The following TAFA1 variants were observed in gnomAD, a reference collection of about 807,000 sequenced individuals.
TAFA1 encodes the protein chemokine-like protein TAFA-1.
A neutral mutation model predicts 18.5 loss-of-function variants in TAFA1; 4 were observed. The ratio of observed to expected loss-of-function variants is 0.22; its 90% CI spans 0.11 to 0.49. TAFA1 has a LOEUF of 0.49. Among genes scored for constraint, TAFA1 ranks in the 20% least tolerant of loss-of-function variants. The probability of loss-of-function intolerance (pLI) is 0.98; values close to 1 mark genes in which losing one functional copy is unlikely to be tolerated. For synonymous variants in TAFA1, 56 were observed against 55.2 expected, an observed-to-expected ratio of 1.01 and a Z score of -0.06; for missense variants, 147 against 169.0, an observed-to-expected ratio of 0.87 and a Z score of 0.72.
intron 2 of TAFA1, among the ~76,000 whole-genome samples, chr3:68,181,223 G>C (rs554372939): frequency 6.6e-6 from 1 of 152,106 alleles, no homozygotes; most frequent in South Asian, 2.1e-4. Context: ...AGGTGGGGCT[G>C]GCTAGTGGGG....
rs574995115 is a variant in TAFA1, at chr3:68,418,483, C to T, written c.259+1063C>T. On this transcript the variant is annotated intron_variant, in intron 3 of 4. Coordinates refer to ENST00000478136, the MANE Select transcript of TAFA1 (RefSeq NM_213609.4). ...GAATATCATCAGTTAAGGCAAGGAC[C>T]GGCCATTTACACTTCTTTTGTGGTG... 5.3e-5 allele frequency among the ~76,000 whole-genome samples: 5 copies of T among 94,486 alleles called. No individual in the cohort carries two copies. The South Asian group carries it at 7.8e-4, about 15-fold the overall frequency. 62.0% of individuals were successfully genotyped at this position (94,486 alleles called of 152,430 possible).
At chr3:68,058,198 T>A (rs995901312) in intron 2 of TAFA1, among the ~76,000 whole-genome samples, 2 of 152,320 alleles carry the variant, frequency 1.3e-5, no homozygotes, top group Admixed American at 6.5e-5. Context: ...ACTCGCTATG[T>A]GGCCTTGAGA....
At chr3:68,422,537 A>G (rs1165514146) in intron 3 of TAFA1, among the ~76,000 whole-genome samples, 1 of 152,132 alleles carries the variant, frequency 6.6e-6, no homozygotes, top group Non-Finnish European at 1.5e-5. Context: ...TTTTAAAAGA[A>G]GCATATATTG....
intron 3 of TAFA1, among the ~76,000 whole-genome samples, chr3:68,439,959 C>T (rs1245051534): frequency 3.3e-5 from 5 of 152,092 alleles, no homozygotes; most frequent in African/African-American, 9.7e-5. Flanking sequence ...ACTGGAACTG[C>T]ACCAATCCCC....
intron 3 of TAFA1, among the ~76,000 whole-genome samples, chr3:68,458,758 A>G (rs2071713955): frequency 6.6e-6 from 1 of 152,096 alleles, no homozygotes; most frequent in Admixed American, 6.6e-5. Flanking sequence ...TCATGCTTGG[A>G]GTAGAGACAT....
At chr3:68,138,310 C>A (rs1271985025) in intron 2 of TAFA1, among the ~76,000 whole-genome samples, 2 of 152,088 alleles carry the variant, frequency 1.3e-5, no homozygotes, top group Non-Finnish European at 2.9e-5. Flanking sequence ...ATTTTAGGTG[C>A]CTCACCACGA....
intron 3 of TAFA1, among the ~76,000 whole-genome samples, chr3:68,512,201 T>G (rs2106731712): frequency 6.6e-6 from 1 of 152,258 alleles, no homozygotes; most frequent in South Asian, 2.1e-4. Context: ...CTTATCGATT[T>G]ACTTACTAAG....
At chr3:68,285,846 G>C (rs1372628062) in intron 2 of TAFA1, among the ~76,000 whole-genome samples, 1 of 152,166 alleles carries the variant, frequency 6.6e-6, no homozygotes, top group Admixed American at 6.5e-5. Context: ...GCAAAGATAT[G>C]AAGCAAGAAT....
intron 2 of TAFA1, among the ~76,000 whole-genome samples, chr3:68,019,714 A>G (rs940283006): frequency 3.3e-5 from 5 of 152,150 alleles, no homozygotes; most frequent in African/African-American, 1.2e-4. Flanking sequence ...GAAATTGCCT[A>G]TATAATCAGA....
At chr3:68,218,942 C>T (rs2066696187) in intron 2 of TAFA1, among the ~76,000 whole-genome samples, 1 of 151,754 alleles carries the variant, frequency 6.6e-6, no homozygotes, top group African/African-American at 2.4e-5. Context: ...ATGTGAAATC[C>T]TTTTGAGTGT....
intron 2 of TAFA1, among the ~76,000 whole-genome samples, chr3:68,297,720 G>A (rs1255171510): frequency 1.3e-5 from 2 of 151,482 alleles, no homozygotes; most frequent in Non-Finnish European, 2.9e-5. Context: ...GATATCAGTG[G>A]GATTTCTGAT....
intron 2 of TAFA1, among the ~76,000 whole-genome samples, chr3:68,166,352 T>G (rs2106948861): frequency 6.6e-6 from 1 of 152,302 alleles, no homozygotes; most frequent in South Asian, 2.1e-4. Context: ...AGTGCTTTCT[T>G]TTTCCTCTCA....
intron 2 of TAFA1, among the ~76,000 whole-genome samples, chr3:68,361,154 A>T (rs2069459938): frequency 6.6e-6 from 1 of 150,870 alleles, no homozygotes; most frequent in Non-Finnish European, 1.5e-5. Flanking sequence ...GCAAGAAAAA[A>T]AACAGCATTA....
At chr3:68,114,275 C>T (rs1298903116) in intron 2 of TAFA1, among the ~76,000 whole-genome samples, 2 of 152,110 alleles carry the variant, frequency 1.3e-5, no homozygotes, top group Non-Finnish European at 2.9e-5. Context: ...ATCCAGCCCC[C>T]ATTCAGCCTG....
intron 2 of TAFA1, among the ~76,000 whole-genome samples, chr3:68,040,404 C>T (rs1705138810): frequency 6.6e-6 from 1 of 152,112 alleles, no homozygotes; most frequent in South Asian, 2.1e-4. Context: ...AGGGTCACTG[C>T]TCCTATAGGT....
rs182433069 is a variant in TAFA1, at chr3:68,183,276, C to A, written c.118+176532C>A. On this transcript the variant is annotated intron_variant, in intron 2 of 4. Transcript: ENST00000478136. ...AGGTTAATGATTCTTAATTGGACTTCATTAAGTGATAATATAAGATCTCGA... is the reference window on the plus strand; with the variant it reads ...AGGTTAATGATTCTTAATTGGACTTAATTAAGTGATAATATAAGATCTCGA... Among the ~76,000 whole-genome samples, 4 of 152,226 alleles carry A rather than the reference C, an allele frequency of 2.6e-5. No homozygotes were observed. In the East Asian group the frequency reaches 7.8e-4, roughly 30 times the overall value.
chr3:68,428,970 G>A (rs906911430), intron 3 of TAFA1, among the ~76,000 whole-genome samples: 1 of 151,956 alleles, frequency 6.6e-6, no homozygotes, highest in South Asian at 2.1e-4. Flanking sequence ...CAAGTAAAAA[G>A]GGAAGTTATT....
intron 3 of TAFA1, among the ~76,000 whole-genome samples, chr3:68,476,795 T>A (rs2072105769): frequency 6.6e-6 from 1 of 152,220 alleles, no homozygotes; most frequent in African/African-American, 2.4e-5. Flanking sequence ...AAAATTTTTA[T>A]ACCAATATTA....
At chr3:68,351,698 A>G (rs945814263) in intron 2 of TAFA1, among the ~76,000 whole-genome samples, 3 of 151,964 alleles carry the variant, frequency 2.0e-5, no homozygotes, top group African/African-American at 7.2e-5. Flanking sequence ...AAGACAAATA[A>G]CTGGAAGAGA....
Sources: allele counts gnomAD v4.1 joint callset (sites outside exome capture counted in the v4.1 genomes callset), GRCh38; gene constraint gnomAD v4.1.1; transcripts MANE v1.5; gene names NCBI Gene and HGNC (gene_info 2026-07-23, HGNC 2026-07-21).